HMCN2: variants seen among roughly 807,000 people sequenced by gnomAD.
HMCN2 encodes hemicentin-2.
A neutral mutation model predicts 377.5 loss-of-function variants in HMCN2; 325 were observed. The observed-to-expected ratio is 0.86, with a 90% CI of 0.79 to 0.94. The LOEUF (loss-of-function observed/expected upper bound fraction) is 0.94, where lower values mean the gene tolerates loss of function less well. HMCN2 is among the 40% of genes least tolerant of loss of function. HMCN2 has a pLI of 0.00. For missense variants in HMCN2, 4,543 were observed against 4,725.3 expected, an observed-to-expected ratio of 0.96 and a Z score of 1.13; for synonymous variants, 2,007 against 2,046.8, an observed-to-expected ratio of 0.98 and a Z score of 0.53.
At chr9:130,426,267 A>G (rs1417094983) in intron 90 of HMCN2, among the ~76,000 whole-genome samples, 1 of 152,094 alleles carries the variant, frequency 6.6e-6, no homozygotes, top group Non-Finnish European at 1.5e-5. Context: ...CTGAGGCCAC[A>G]CCCAAGGAGC....
At chr9:130,389,382 C>T (rs902435437) in intron 62 of HMCN2, among the ~76,000 whole-genome samples, 1 of 152,112 alleles carries the variant, frequency 6.6e-6, no homozygotes. Context: ...TTAGCAATCA[C>T]TCCCCGTTTT....
intron 30 of HMCN2, among the ~76,000 whole-genome samples, chr9:130,352,235 C>T (rs1330330755): frequency 6.6e-6 from 1 of 152,172 alleles, no homozygotes; most frequent in African/African-American, 2.4e-5. Context: ...TATTTAATAT[C>T]GAAACTGTAA....
intron 1 of HMCN2, among the ~76,000 whole-genome samples, chr9:130,266,584 C>T (rs1462137950): frequency 1.3e-5 from 2 of 152,236 alleles, no homozygotes; most frequent in African/African-American, 4.8e-5. Flanking sequence ...GGCTTGGAGA[C>T]CGGAATGGCT....
rs1332094207 is a variant in HMCN2 at position 130,303,012 on chromosome 9, C to T, written c.1421+11C>T. On this transcript the variant is annotated intron_variant, in intron 9 of 97. Transcript: ENST00000683500. This position sits in a 1 kb window ranked among gnomAD's most constrained non-coding sequence, Gnocchi z 5.2. ...AGAGAGGCACTTTCAGTGAGTGGCCCACGGCAGCTGATTGTCCCCAGCCAC... is the reference window on the plus strand; with the variant it reads ...AGAGAGGCACTTTCAGTGAGTGGCCTACGGCAGCTGATTGTCCCCAGCCAC... 2.2e-6 allele frequency: 1 copy of T among 464,174 alleles called. No individual in the cohort carries two copies. Among genetic ancestry groups the T allele is most frequent in the East Asian group, 7.0e-5 (1 of 14,342 alleles). 28.8% of individuals were successfully genotyped at this position (464,174 alleles called of 1,614,324 possible).
intron 3 of HMCN2, among the ~76,000 whole-genome samples, chr9:130,285,937 A>G (rs1175649602): frequency 6.6e-6 from 1 of 152,202 alleles, no homozygotes; most frequent in Admixed American, 6.5e-5. Context: ...ATTTAATAGC[A>G]GTTCCCAATA....
chr9:130,383,448 T>G (rs4740200), intron 56 of HMCN2, 56 bp from the exon 57 acceptor site: 465,177 of 699,832 alleles, frequency 0.66, 159,830 homozygotes, highest in East Asian at 0.87. Flanking sequence ...TTCCTGGGGG[T>G]GGTGGTGTCC....
Position 130,391,465 on chromosome 9 carries a change from C to T in HMCN2, c.9843C>T (p.Gly3281=), listed in dbSNP as rs1002680869. 23 of 987,718 alleles carry T rather than the reference C, an allele frequency of 2.3e-5. No individual in the cohort carries two copies. Among genetic ancestry groups the T allele is most frequent in the South Asian group, 4.7e-5 (1 of 21,382 alleles). The allele number at this position is 987,718 out of a possible 1,614,324, so 61.2% of individuals were successfully genotyped here. The part of the protein sequence containing the change: ...MGPHLRFYLD[G]GSLVLKGLRA... ...CCTGTGGCAGGTTCTACCTGGACGG[C>T]GGCTCCCTGGTGCTAAAAGGCCTGA... Residue 3281 remains glycine, a synonymous_variant, in exon 65 of 98, where the codon GGC becomes GGT. Transcript: ENST00000683500.
rs749853033 is a variant in HMCN2, at chr9:130,360,874, TATCCATCC to T, written c.5950+286_5950+293del. ...CCACCCATCCATCCATCAACTCATC[TATCCATCC>T]ATCCATCCATCCATCTCTCATCCAT... On this transcript the variant is annotated intron_variant, in intron 38 of 97. Transcript: ENST00000683500. This position sits in a 1 kb window ranked among gnomAD's most constrained non-coding sequence, Gnocchi z 4.7. Among the ~76,000 whole-genome samples the T allele has an allele frequency of 1.3e-5, 2 of 150,068 alleles. No homozygotes were observed. The highest frequency in any genetic ancestry group is 2.0e-4 in the East Asian group (1 of 5,046).
rs933480589 is a variant in HMCN2 at position 130,433,623 on chromosome 9, T to A, written c.15170T>A (p.Val5057Glu). The change falls in exon 98 of 98, where the codon GTG (valine) becomes GAG (glutamate). Residue 5057 changes from valine (V) to glutamate (E), a missense_variant. This residue lies in a region of HMCN2 where 1,155 missense variants were observed against 1,157.7 expected (regional missense o/e 1.00). Transcript: ENST00000683500. ...CGCGCCGGCCTCTACCGGCTCACCGTGCGTGCTGCGGCACCGCGCCACCAA... is the reference window on the plus strand; with the variant it reads ...CGCGCCGGCCTCTACCGGCTCACCGAGCGTGCTGCGGCACCGCGCCACCAA... Reference protein sequence around the residue: ...LTRAGLYRLTVRAAAPRHQSV... With the variant: ...LTRAGLYRLTERAAAPRHQSV... 6.4e-5 allele frequency: 97 copies of A among 1,521,248 alleles called. No homozygotes were observed. Among genetic ancestry groups the A allele is most frequent in the Non-Finnish European group, 8.1e-5 (92 of 1,135,178 alleles). 94.2% of individuals were successfully genotyped at this position (1,521,248 alleles called of 1,614,324 possible).
chr9:130,381,566 G>A (rs1004241164), intron 54 of HMCN2, among the ~76,000 whole-genome samples: 3 of 152,032 alleles, frequency 2.0e-5, no homozygotes, highest in Non-Finnish European at 2.9e-5. Context: ...ATGGGGTTTC[G>A]CCGTGTTGGC....
At chr9:130,315,561 G>T (rs1043905602) in intron 15 of HMCN2, among the ~76,000 whole-genome samples, 6 of 150,870 alleles carry the variant, frequency 4.0e-5, no homozygotes, top group Non-Finnish European at 8.8e-5. Context: ...GCCACACTGG[G>T]CTGGTAGGGC....
intron 32 of HMCN2, among the ~76,000 whole-genome samples, 173 bp from the exon 33 acceptor site, chr9:130,355,573 C>A (rs913214169): frequency 1.3e-5 from 2 of 152,226 alleles, no homozygotes; most frequent in Admixed American, 1.3e-4. Context: ...CCCGGGGTGT[C>A]CCCTTACCCG....
Position 130,296,717 on chromosome 9 carries a change from G to A in HMCN2, c.935G>A (p.Ser312Asn). 2.1e-6 allele frequency: 1 copy of A among 471,188 alleles called. No individual in the cohort carries two copies. Among genetic ancestry groups the A allele is most frequent in the Non-Finnish European group, 4.4e-6 (1 of 227,064 alleles). The allele number at this position is 471,188 out of a possible 1,614,324, so 29.2% of individuals were successfully genotyped here. Residue 312 changes from serine to asparagine, a missense_variant, in exon 7 of 98, where the codon AGC becomes AAC. Around this residue, in one of 5 missense-constraint regions of HMCN2, gnomAD observed 547 missense variants for 189.9 expected, o/e 2.88. Transcript: ENST00000683500. ...CATTCAGTGAGGATCACAGGCGTCA[G>A]CAACATTGACTTCCGAGCCGGCTTC... ...GRHSVRITGV[S>N]NIDFRAGFST...
In HMCN2 at chr9:130,431,317, C is replaced by A. The variant is rs764214075; in HGVS notation, c.14648-50C>A. ...CCACGTTGGTGTCTGTGGCTCAGTG[C>A]GTCTCTCTGCCCCCATCCCCCACCT... On this transcript the variant is annotated intron_variant, in intron 95 of 97. Transcript: ENST00000683500. The A allele has an allele frequency of 9.8e-6, 15 of 1,522,918 alleles. No homozygotes were observed. The South Asian group carries it at 1.7e-4, about 17-fold the overall frequency. 94.3% of individuals were successfully genotyped at this position (1,522,918 alleles called of 1,614,324 possible).
At chr9:130,334,391 T>A (rs1838593384) in intron 22 of HMCN2, among the ~76,000 whole-genome samples, 1 of 152,116 alleles carries the variant, frequency 6.6e-6, no homozygotes, top group Non-Finnish European at 1.5e-5. Context: ...AGGTCCTGGA[T>A]CCTTTGGCCT....
At chr9:130,390,874 GA>G in intron 62 of HMCN2, 102 bp from the exon 63 acceptor site, 1 of 740,290 alleles carries the variant, frequency 1.4e-6, no homozygotes, top group Non-Finnish European at 1.7e-6. Context: ...CTGGGCTGGG[GA>G]AGGTGGGGAC....
chr9:130,295,180 G>A (rs1321172111), intron 5 of HMCN2, among the ~76,000 whole-genome samples, 154 bp downstream of exon 5: 2 of 152,170 alleles, frequency 1.3e-5, no homozygotes, highest in Non-Finnish European at 2.9e-5. Context: ...GAAGTGGAGA[G>A]AGGGCGCCCA....
chr9:130,321,625 G>A (rs979859474), intron 18 of HMCN2, among the ~76,000 whole-genome samples, 162 bp from the exon 19 acceptor site: 44 of 152,202 alleles, frequency 2.9e-4, no homozygotes, highest in African/African-American at 1.0e-3. Flanking sequence ...CTGGGCACTC[G>A]GGAAGGACTC....
At position 130,369,841 on chromosome 9, in the gene HMCN2, C is replaced by T. The variant is rs565122651; in HGVS notation, c.7059C>T (p.Leu2353=). 2.1e-5 allele frequency: 21 copies of T among 986,166 alleles called. No individual in the cohort carries two copies. The East Asian group carries it at 2.4e-3, about 112-fold the overall frequency. 61.1% of individuals were successfully genotyped at this position (986,166 alleles called of 1,614,324 possible). A position where few individuals can be genotyped will look rare whatever the true frequency, so the allele number is the denominator to read the frequency against. ...LAGRAERKFE[L]SVLVPPELIG... Reference sequence around the variant, plus strand: ...GGAGGGCAGAGAGGAAGTTTGAGCTCTCCGTACTGGGTGAGGACCGGCAGC... The same window carrying T: ...GGAGGGCAGAGAGGAAGTTTGAGCTTTCCGTACTGGGTGAGGACCGGCAGC... Residue 2353 remains leucine (L), a synonymous_variant, in exon 45 of 98, where the codon CTC becomes CTT. Coordinates refer to ENST00000683500, the MANE Select transcript of HMCN2 (RefSeq NM_001291815.2). The surrounding 1 kb of genome is among the most constrained non-coding windows in gnomAD (Gnocchi z 4.5).
Sources: allele counts gnomAD v4.1 joint callset (sites outside exome capture counted in the v4.1 genomes callset), GRCh38; gene constraint gnomAD v4.1.1; regional missense constraint gnomAD v4.1.1; non-coding constraint Gnocchi (gnomAD v3.1); transcripts MANE v1.5; gene names NCBI Gene and HGNC (gene_info 2026-07-23, HGNC 2026-07-21).